MTA3: variants seen among roughly 807,000 people sequenced by gnomAD.
MTA3 encodes the protein metastasis associated 1 family member 3.
MTA3 carries 34 observed loss-of-function variants against 83.5 expected under a neutral mutation model. The ratio of observed to expected loss-of-function variants is 0.41; its 90% confidence interval spans 0.31 to 0.54. The LOEUF is 0.54. MTA3 is among the 20% of genes least tolerant of loss of function. The probability of loss-of-function intolerance (pLI) is 0.33; values close to 1 mark genes in which losing one functional copy is unlikely to be tolerated. For synonymous variants in MTA3, 303 were observed against 252.7 expected (o/e 1.20, Z -1.89); for missense variants, 761 against 726.4 (o/e 1.05, Z -0.55).
chr2:42,590,171 G>A (rs1487078129), intron 3 of MTA3, among the ~76,000 whole-genome samples: 1 of 152,118 alleles, frequency 6.6e-6, no homozygotes, highest in Non-Finnish European at 1.5e-5. Context: ...TTTCCTGCGT[G>A]CTGTGGTTTG....
intron 12 of MTA3, 90 bp from the exon 13 acceptor site, chr2:42,707,813 A>G: frequency 7.7e-7 from 1 of 1,299,024 alleles, no homozygotes; most frequent in Non-Finnish European, 1.0e-6. Flanking sequence ...ACTAAGCATG[A>G]CAAGTATTTT....
At chr2:42,519,853 A>T (rs988868899) in intron 2 of MTA3, among the ~76,000 whole-genome samples, 1 of 152,142 alleles carries the variant, frequency 6.6e-6, no homozygotes, top group Admixed American at 6.5e-5. Context: ...GTTCAAGACC[A>T]TCCTGGGCAA....
intron 6 of MTA3, among the ~76,000 whole-genome samples, chr2:42,655,723 C>T (rs1012076721): frequency 7.2e-5 from 11 of 152,314 alleles, no homozygotes; most frequent in African/African-American, 2.6e-4. Context: ...GTGCCTCAAC[C>T]TCCCGAGTAG....
chr2:42,524,367 C>G (rs1259490004), intron 2 of MTA3, among the ~76,000 whole-genome samples: 5 of 150,990 alleles, frequency 3.3e-5, no homozygotes, highest in African/African-American at 2.4e-5. Flanking sequence ...GTGGCCTGAT[C>G]TGGGCTTGCT....
chr2:42,749,271 G>A (rs1346981562), intron 16 of MTA3, among the ~76,000 whole-genome samples: 3 of 152,176 alleles, frequency 2.0e-5, no homozygotes, highest in Non-Finnish European at 4.4e-5. Context: ...CTAGTAGACT[G>A]TAGCTTTCTG....
intron 2 of MTA3, among the ~76,000 whole-genome samples, chr2:42,548,017 A>C (rs1056917078): frequency 6.6e-6 from 1 of 152,214 alleles, no homozygotes; most frequent in African/African-American, 2.4e-5. Flanking sequence ...TACTATGAAA[A>C]ATAAGATAAG....
chr2:42,736,501 G>T (rs146081198), intron 16 of MTA3, among the ~76,000 whole-genome samples: 2 of 152,114 alleles, frequency 1.3e-5, no homozygotes, highest in Non-Finnish European at 2.9e-5. Flanking sequence ...TATCCAGCCA[G>T]GCATCTTCCC....
intron 8 of MTA3, among the ~76,000 whole-genome samples, chr2:42,662,320 T>G: frequency 6.6e-6 from 1 of 151,792 alleles, no homozygotes; most frequent in South Asian, 2.1e-4. Flanking sequence ...ATAACTAGAG[T>G]TATATTTATA....
chr2:42,675,586 C>T (rs1209746926), intron 8 of MTA3, among the ~76,000 whole-genome samples: 2 of 152,158 alleles, frequency 1.3e-5, no homozygotes, highest in Non-Finnish European at 2.9e-5. Context: ...AGTATCTCAA[C>T]AGCTTCCCTT....
intron 2 of MTA3, among the ~76,000 whole-genome samples, chr2:42,555,404 GA>G: frequency 7.5e-6 from 1 of 133,080 alleles, no homozygotes; most frequent in Non-Finnish European, 1.5e-5. Flanking sequence ...GTGGTAAGCT[GA>G]GATTGCACCA....
intron 8 of MTA3, among the ~76,000 whole-genome samples, chr2:42,674,445 G>T (rs1326640486): frequency 6.6e-6 from 1 of 152,158 alleles, no homozygotes; most frequent in Non-Finnish European, 1.5e-5. Flanking sequence ...CTGCTTTTTG[G>T]CAGAGAGAAC....
At chr2:42,694,287 G>A (rs993028218) in intron 9 of MTA3, among the ~76,000 whole-genome samples, 4 of 151,926 alleles carry the variant, frequency 2.6e-5, no homozygotes, top group Admixed American at 6.5e-5. Context: ...CATGCCACCC[G>A]AAGTCCTCTG....
chr2:42,538,014 C>T (rs575466007), intron 2 of MTA3, among the ~76,000 whole-genome samples: 43 of 151,932 alleles, frequency 2.8e-4, no homozygotes, highest in African/African-American at 9.4e-4. Context: ...AGGCAGATCA[C>T]GAGGTCAGGA....
At chr2:42,610,716 A>G (rs1307434144) in intron 4 of MTA3, among the ~76,000 whole-genome samples, 1 of 152,156 alleles carries the variant, frequency 6.6e-6, no homozygotes, top group Non-Finnish European at 1.5e-5. Flanking sequence ...GAAAGCTTCA[A>G]GAGGAATTGC....
intron 2 of MTA3, among the ~76,000 whole-genome samples, chr2:42,505,197 C>T (rs1195602677): frequency 1.3e-5 from 2 of 151,984 alleles, no homozygotes; most frequent in East Asian, 3.9e-4. Flanking sequence ...ATTGAGGCAT[C>T]CTGGCTAACA....
At chr2:42,741,299 C>T (rs1165906927) in intron 16 of MTA3, among the ~76,000 whole-genome samples, 1 of 152,218 alleles carries the variant, frequency 6.6e-6, no homozygotes, top group African/African-American at 2.4e-5. Flanking sequence ...AGGCCACTTT[C>T]TCCTTATCAG....
At chr2:42,721,309 G>GTTCTTT (rs1363725918) in intron 15 of MTA3, among the ~76,000 whole-genome samples, 32 of 150,350 alleles carry the variant, frequency 2.1e-4, no homozygotes, top group Admixed American at 9.9e-4. Context: ...AGGAAGGACT[G>GTTCTTT]TTCTTTTTCT....
At chr2:42,618,755 G>A (rs1239364038) in intron 4 of MTA3, among the ~76,000 whole-genome samples, 1 of 152,116 alleles carries the variant, frequency 6.6e-6, no homozygotes, top group Non-Finnish European at 1.5e-5. Context: ...CTACAGGCAT[G>A]TACCACTATG....
chr2:42,497,669 G>A (rs1674207926), intron 2 of MTA3, among the ~76,000 whole-genome samples: 2 of 151,732 alleles, frequency 1.3e-5, no homozygotes, highest in Admixed American at 1.3e-4. Flanking sequence ...TAAGCCACCT[G>A]GAGCCAGTTC....
Sources: gnomAD v4.1 joint callset for allele counts (sites outside exome capture counted in the v4.1 genomes callset) on GRCh38, gnomAD v4.1.1 for gene constraint, MANE v1.5 for transcripts, NCBI Gene and HGNC (gene_info 2026-07-23, HGNC 2026-07-21) for gene names.